The following NBEA variants were observed in gnomAD, a reference collection of about 807,000 sequenced individuals.
NBEA encodes neurobeachin, also known as lysosomal-trafficking regulator 2.
In NBEA, 44 loss-of-function variants were observed where a neutral mutation model predicts 343.4. The observed-to-expected ratio is 0.13, with a 90% CI of 0.10 to 0.16. The LOEUF (loss-of-function observed/expected upper bound fraction) is 0.16, where lower values mean the gene tolerates loss of function less well. NBEA is among the 10% of genes least tolerant of loss of function. The pLI is 1.00. For synonymous variants in NBEA, 1,175 were observed against 1,238.7 expected (o/e 0.95, Z 1.08); for missense variants, 2,555 against 3,631.3 (o/e 0.70, Z 7.62).
At chr13:35,200,056 A>T (rs563618914) in intron 31 of NBEA, among the ~76,000 whole-genome samples, 1 of 151,868 alleles carries the variant, frequency 6.6e-6, no homozygotes, top group Admixed American at 6.6e-5. Context: ...AACTATAACA[A>T]TTTTTTCAAA....
chr13:35,041,100 C>T lies in NBEA; in HGVS notation c.462C>T (p.Ser154=). Reference sequence around the variant, plus strand: ...AAAGTGTTCGGAATTTACAGACTAGCACAGAAGTTGGGCTAATTGAACAAG... The same window carrying T: ...AAAGTGTTCGGAATTTACAGACTAGTACAGAAGTTGGGCTAATTGAACAAG... The part of the protein sequence containing the change: ...LRKSVRNLQT[S]TEVGLIEQVL... The change falls in exon 2 of 59, where the codon AGC becomes AGT. Residue 154 remains serine (S), a synonymous_variant. Transcript: ENST00000379939. 2 of 1,613,024 alleles carry T rather than the reference C, an allele frequency of 1.2e-6. No individual in the cohort carries two copies. The highest frequency in any genetic ancestry group is 1.1e-5 in the South Asian group (1 of 91,050).
intron 51 of NBEA, 21 bp downstream of exon 51, chr13:35,646,369 G>A (rs1344941175): frequency 6.3e-7 from 1 of 1,588,302 alleles, no homozygotes; most frequent in Admixed American, 1.7e-5. Flanking sequence ...TCAGCATGTT[G>A]AGATTTTTTT....
At chr13:35,179,338 A>G (rs1465091032) in intron 28 of NBEA, among the ~76,000 whole-genome samples, 1 of 151,588 alleles carries the variant, frequency 6.6e-6, no homozygotes, top group African/African-American at 2.4e-5. Context: ...AAGGTACACC[A>G]TGGCAACACT....
intron 37 of NBEA, among the ~76,000 whole-genome samples, chr13:35,350,306 G>A (rs973428718): frequency 1.1e-4 from 16 of 152,148 alleles, no homozygotes; most frequent in Non-Finnish European, 1.2e-4. Context: ...CAAGGGCAGT[G>A]TTTCTCAACC....
intron 1 of NBEA, among the ~76,000 whole-genome samples, chr13:34,969,115 A>G (rs562550647): frequency 1.3e-5 from 2 of 151,744 alleles, no homozygotes; most frequent in African/African-American, 4.8e-5. Flanking sequence ...TATGTTTTGC[A>G]TTTATATTTT....
chr13:35,121,730 CT>C, intron 16 of NBEA, among the ~76,000 whole-genome samples: 1 of 151,950 alleles, frequency 6.6e-6, no homozygotes, highest in Non-Finnish European at 1.5e-5. Context: ...AACATCTTTT[CT>C]TTTTTAATAG....
chr13:35,163,307 C>G (rs1341126636), intron 23 of NBEA, among the ~76,000 whole-genome samples: 1 of 152,028 alleles, frequency 6.6e-6, no homozygotes. Context: ...ATTATTGACT[C>G]AATTTTGACC....
At chr13:35,488,530 A>C (rs1371239819) in intron 41 of NBEA, among the ~76,000 whole-genome samples, 1 of 151,942 alleles carries the variant, frequency 6.6e-6, no homozygotes, top group Non-Finnish European at 1.5e-5. Flanking sequence ...ATGCTTGATC[A>C]ATGACTAGCA....
chr13:35,455,031 A>G lies in NBEA; in HGVS notation c.6448+2796A>G, dbSNP rs981049013. 3.3e-5 allele frequency among the ~76,000 whole-genome samples: 5 copies of G among 152,202 alleles called. No homozygotes were observed. The South Asian group carries it at 1.0e-3, about 32-fold the overall frequency. On this transcript the variant is annotated intron_variant, in intron 40 of 58. Coordinates refer to ENST00000379939, the MANE Select transcript of NBEA (RefSeq NM_001385012.1). ...ATAAAAATCACAGGTTTATCTTTTC[A>G]TGACAACTTAATGAAATGGCTTGCA...
Position 35,070,656 on chromosome 13 carries a change from C to T in NBEA, c.1438-63C>T, listed in dbSNP as rs1425579816. On this transcript the variant is annotated intron_variant, in intron 9 of 58. Transcript: ENST00000379939. ...AATTCTATTATAAAGGTATTTGGAA[C>T]AAGGAAATAGTGATGAAATCATTCT... 26 of 1,383,742 alleles carry T rather than the reference C, an allele frequency of 1.9e-5. No individual in the cohort carries two copies. In the Admixed American group the frequency reaches 3.5e-4, roughly 18 times the overall value. The allele number at this position is 1,383,742 out of a possible 1,614,324, so 85.7% of individuals were successfully genotyped here.
At chr13:35,415,890 T>A (rs971685063) in intron 38 of NBEA, among the ~76,000 whole-genome samples, 2 of 152,212 alleles carry the variant, frequency 1.3e-5, no homozygotes, top group Non-Finnish European at 1.5e-5. Context: ...TCCATTCGTT[T>A]GTGTCCTCTT....
At chr13:35,023,810 C>T (rs1042315464) in intron 1 of NBEA, among the ~76,000 whole-genome samples, 4 of 152,100 alleles carry the variant, frequency 2.6e-5, no homozygotes, top group East Asian at 1.9e-4. Context: ...TTTAGAAAAT[C>T]GCAAGGCTCT....
chr13:35,614,770 A>C (rs577668291), intron 48 of NBEA, among the ~76,000 whole-genome samples: 1 of 152,300 alleles, frequency 6.6e-6, no homozygotes, highest in East Asian at 1.9e-4. Flanking sequence ...CTTCTCCCCT[A>C]GTATAGCTGC....
intron 38 of NBEA, among the ~76,000 whole-genome samples, chr13:35,367,554 G>GT (rs11316543): frequency 0.059 from 8,484 of 143,530 alleles, 341 homozygotes; most frequent in Non-Finnish European, 0.091. Flanking sequence ...TGTTGTTGTT[G>GT]TTTTTTTTTT....
chr13:35,528,102 A>AT (rs1482913828), intron 41 of NBEA, among the ~76,000 whole-genome samples: 1 of 152,236 alleles, frequency 6.6e-6, no homozygotes, highest in African/African-American at 2.4e-5. Flanking sequence ...TAATATGATC[A>AT]TGTTCAATTT....
intron 35 of NBEA, among the ~76,000 whole-genome samples, chr13:35,301,157 G>A (rs1187879906): frequency 6.6e-6 from 1 of 151,740 alleles, no homozygotes; most frequent in African/African-American, 2.4e-5. Flanking sequence ...ACAACAATGA[G>A]AGTCCACAAT....
At chr13:35,623,220 G>A (rs903784125) in intron 48 of NBEA, among the ~76,000 whole-genome samples, 12 of 152,136 alleles carry the variant, frequency 7.9e-5, no homozygotes, top group South Asian at 2.1e-4. Flanking sequence ...TAAAAATCCC[G>A]TTTCAAAGTG....
intron 31 of NBEA, among the ~76,000 whole-genome samples, chr13:35,207,320 A>G (rs1208568970): frequency 1.3e-5 from 2 of 152,054 alleles, no homozygotes; most frequent in East Asian, 1.9e-4. Context: ...GATTTTTTTC[A>G]TTGAGTAAGT....
intron 38 of NBEA, among the ~76,000 whole-genome samples, chr13:35,427,531 C>A (rs1337299380): frequency 5.3e-5 from 8 of 152,178 alleles, no homozygotes; most frequent in Admixed American, 5.2e-4. Context: ...TGTGAGGTGT[C>A]AGTCCGCCCC....
Sources: allele counts gnomAD v4.1 joint callset (sites outside exome capture counted in the v4.1 genomes callset), GRCh38; gene constraint gnomAD v4.1.1; transcripts MANE v1.5; gene names NCBI Gene and HGNC (gene_info 2026-07-23, HGNC 2026-07-21).